The following SYTL2 variants were observed in gnomAD, a reference collection of about 807,000 sequenced individuals.
SYTL2 encodes synaptotagmin like 2, also known as synaptotagmin-like protein 2.
In SYTL2, 165 loss-of-function variants were observed where a neutral mutation model predicts 198.7. The ratio of observed to expected loss-of-function variants is 0.83; its 90% CI spans 0.73 to 0.94. SYTL2 has a LOEUF of 0.94. SYTL2 is among the 40% of genes least tolerant of loss of function. The pLI is 0.00. For missense variants in SYTL2, 2,835 were observed against 2,582.8 expected (o/e 1.10, Z -2.12); for synonymous variants, 966 against 917.7 (o/e 1.05, Z -0.95).
chr11:85,764,406 G>A (rs897017914), intron 1 of SYTL2, among the ~76,000 whole-genome samples: 8 of 152,122 alleles, frequency 5.3e-5, no homozygotes, highest in South Asian at 4.1e-4. Context: ...GAACACTGGC[G>A]CTCAAGTTAA....
chr11:85,726,400 T>C lies in SYTL2; in HGVS notation c.2958A>G (p.Arg986=). ...VYNPSQFENL[R]KFWDLEANSN... The stretch of plus-strand genomic sequence containing the variant: ...AATTAGCTTCTAAGTCCCAAAACTT[T>C]CTCAAATTCTCAAACTGAGAGGGAT... Residue 986 remains arginine (R), a synonymous_variant, in exon 8 of 20, where the codon AGA becomes AGG. Coordinates refer to ENST00000359152, the MANE Select transcript of SYTL2 (RefSeq NM_206927.4). 1 of 1,613,262 alleles carries C rather than the reference T, an allele frequency of 6.2e-7. No homozygotes were observed. Among genetic ancestry groups the C allele is most frequent in the Non-Finnish European group, 8.5e-7 (1 of 1,179,800 alleles).
At chr11:85,775,543 C>T (rs548081939) in intron 1 of SYTL2, among the ~76,000 whole-genome samples, 157 of 152,232 alleles carry the variant, frequency 1.0e-3, no homozygotes, top group Non-Finnish European at 1.7e-3. Flanking sequence ...AGTACAGTGG[C>T]GCTATCTCGG....
Position 85,726,821 on chromosome 11 carries a change from T to C in SYTL2, c.2537A>G (p.Gln846Arg), listed in dbSNP as rs1219323100. The C allele has an allele frequency of 1.3e-6, 2 of 1,536,386 alleles. No homozygotes were observed. The highest frequency in any genetic ancestry group is 1.7e-6 in the Non-Finnish European group (2 of 1,146,920). The stretch of plus-strand genomic sequence containing the variant: ...GGGAATGGCCTGATTATATTCACTC[T>C]GGTCTGTAGATAAACTGTCCATGGA... ...VSSMDSLSTD[Q>R]SEYNQAIPKR... The change falls in exon 8 of 20, where the codon CAG becomes CGG. Residue 846 changes from glutamine (Q) to arginine (R), a missense_variant. Coordinates refer to ENST00000359152, the MANE Select transcript of SYTL2 (RefSeq NM_206927.4).
chr11:85,713,727 G>A (rs1199867300), intron 12 of SYTL2, among the ~76,000 whole-genome samples: 1 of 152,232 alleles, frequency 6.6e-6, no homozygotes, highest in Non-Finnish European at 1.5e-5. Flanking sequence ...GACAGAATGA[G>A]TATTAGGTAC....
intron 17 of SYTL2, among the ~76,000 whole-genome samples, chr11:85,698,405 T>C (rs549956291): frequency 1.3e-5 from 2 of 152,350 alleles, no homozygotes; most frequent in South Asian, 2.1e-4. Flanking sequence ...ATTCAAAACA[T>C]TTCAATGAAA....
rs2090451033 is a variant in SYTL2, at chr11:85,737,569, G to A, written c.471+6C>T. On this transcript the variant is annotated splice_donor_region_variant and intron_variant, in intron 5 of 19. Coordinates refer to ENST00000359152, the MANE Select transcript of SYTL2 (RefSeq NM_206927.4). ...ACAAGATTTTCAAAATCTGGGCTCA[G>A]TCTACCTTCTCTGGAGACACATTTG... 2 of 1,610,842 alleles carry A rather than the reference G, an allele frequency of 1.2e-6. No individual in the cohort carries two copies. Among genetic ancestry groups the A allele is most frequent in the Non-Finnish European group, 1.7e-6 (2 of 1,177,450 alleles).
At chr11:85,703,037 T>G (rs1347448504) in intron 16 of SYTL2, among the ~76,000 whole-genome samples, 1 of 152,102 alleles carries the variant, frequency 6.6e-6, no homozygotes, top group South Asian at 2.1e-4. Flanking sequence ...AACAACAGAA[T>G]AGACATAGCA....
intron 17 of SYTL2, 140 bp downstream of exon 17, chr11:85,700,375 T>C: frequency 1.7e-6 from 1 of 576,084 alleles, no homozygotes; most frequent in East Asian, 2.7e-5. Flanking sequence ...TATTTACAAC[T>C]GTGAATAGAC....
chr11:85,696,483 T>C, intron 18 of SYTL2, 95 bp from the exon 19 acceptor site: 1 of 1,048,234 alleles, frequency 9.5e-7, no homozygotes. Flanking sequence ...AGATTGACAA[T>C]GGAGGAAAAG....
chr11:85,766,761 T>C (rs1044593776), intron 1 of SYTL2, among the ~76,000 whole-genome samples: 2 of 152,092 alleles, frequency 1.3e-5, no homozygotes, highest in African/African-American at 2.4e-5. Flanking sequence ...GCCCAAGAAG[T>C]CTCACAGAGC....
the SYTL2 span, among the ~76,000 whole-genome samples, chr11:85,845,832 C>T: frequency 1.8e-4 from 27 of 152,136 alleles, no homozygotes; most frequent in East Asian, 9.6e-4. Context: ...AGGAGAATGG[C>T]GTGAACCTGG....
intron 1 of SYTL2, among the ~76,000 whole-genome samples, chr11:85,797,626 C>CAAA (rs563235406): frequency 1.1e-5 from 1 of 87,376 alleles, no homozygotes; most frequent in Non-Finnish European, 2.4e-5. Context: ...GACTCCTTCT[C>CAAA]AAAAAAAAAA....
intron 1 of SYTL2, among the ~76,000 whole-genome samples, chr11:85,806,302 C>A (rs1252949359): frequency 4.6e-5 from 7 of 152,148 alleles, no homozygotes; most frequent in African/African-American, 1.7e-4. Flanking sequence ...TCTCTTTCTC[C>A]CCCTCTCCAG....
chr11:85,748,164 G>A, intron 3 of SYTL2, 108 bp downstream of exon 3: 2 of 1,265,772 alleles, frequency 1.6e-6, no homozygotes, highest in African/African-American at 1.5e-5. Flanking sequence ...TATGAAAAGT[G>A]TACATCCAAA....
At chr11:85,804,321 C>A (rs1046276673) in intron 1 of SYTL2, among the ~76,000 whole-genome samples, 1 of 152,118 alleles carries the variant, frequency 6.6e-6, no homozygotes, top group Admixed American at 6.6e-5. Flanking sequence ...CAGCTTCGTA[C>A]GTAATTTCAT....
chr11:85,721,083 G>T, intron 8 of SYTL2, 124 bp from the exon 9 acceptor site: 2 of 596,124 alleles, frequency 3.4e-6, no homozygotes, highest in Non-Finnish European at 5.9e-6. Flanking sequence ...ACTTTAAGAA[G>T]CACTTATTTC....
rs2083241254 is a variant in SYTL2, at chr11:85,695,196, C to T, written c.6719G>A (p.Ter2240=). 8.1e-6 allele frequency: 13 copies of T among 1,610,492 alleles called. No homozygotes were observed. The highest frequency in any genetic ancestry group is 1.3e-5 in the African/African-American group (1 of 74,780). ...TGGAGGAGCCAGTGGAATTTGGGCT[C>T]ATTTGGAAATCTTGGCAATCAAAAG... The part of the protein sequence containing the change: ...RMLLIAKISK[*] The change falls in exon 20 of 20, where the codon TGA becomes TAA. Residue 2240 remains the stop codon, a stop_retained_variant. Transcript: ENST00000359152.
chr11:85,722,800 C>A (rs549938977), intron 8 of SYTL2, among the ~76,000 whole-genome samples: 127 of 151,846 alleles, frequency 8.4e-4, no homozygotes, highest in African/African-American at 2.9e-3. Flanking sequence ...ATTTCAATTT[C>A]TTTCTTTTTT....
chr11:85,716,543 C>A (rs1293578886), intron 11 of SYTL2: 2 of 152,168 alleles, frequency 1.3e-5, no homozygotes, highest in African/African-American at 4.8e-5. Context: ...TAGCTGCTTT[C>A]CTCATTAAGC....
Sources: allele counts gnomAD v4.1 joint callset (sites outside exome capture counted in the v4.1 genomes callset), GRCh38; gene constraint gnomAD v4.1.1; transcripts MANE v1.5; gene names NCBI Gene and HGNC (gene_info 2026-07-23, HGNC 2026-07-21).